The following PATJ variants were observed in gnomAD, a reference collection of about 807,000 sequenced individuals.
PATJ encodes the protein PATJ crumbs cell polarity complex component, also known as inaD-like protein.
In PATJ, 190 loss-of-function variants were observed where a neutral mutation model predicts 224.9. The ratio of observed to expected loss-of-function variants is 0.84; its 90% CI spans 0.75 to 0.95. The LOEUF (loss-of-function observed/expected upper bound fraction) is 0.95. Among genes scored for constraint, PATJ ranks in the 40% least tolerant of loss-of-function variants. The pLI, the probability that PATJ is intolerant of heterozygous loss-of-function variation, is 0.00. For synonymous variants in PATJ, 769 were observed against 820.3 expected (o/e 0.94, Z 1.07); for missense variants, 2,121 against 2,270.3 (o/e 0.93, Z 1.34).
At chr1:62,001,879 C>G (rs1379363808) in intron 28 of PATJ, among the ~76,000 whole-genome samples, 2 of 152,114 alleles carry the variant, frequency 1.3e-5, no homozygotes, top group Admixed American at 6.5e-5. Flanking sequence ...GTTTGTAGTT[C>G]TCCTTGATGA....
chr1:62,155,632 ATTC>A (rs1669105388), intron 43 of PATJ, among the ~76,000 whole-genome samples: 1 of 151,004 alleles, frequency 6.6e-6, no homozygotes, highest in African/African-American at 2.4e-5. Context: ...GATATTGAAT[ATTC>A]TTCATGTATT....
intron 14 of PATJ, among the ~76,000 whole-genome samples, chr1:61,822,183 G>A (rs371706946): frequency 1.4e-4 from 22 of 152,154 alleles, no homozygotes; most frequent in African/African-American, 4.6e-4. Flanking sequence ...TACAGACTCT[G>A]CATTCAGGTA....
intron 4 of PATJ, among the ~76,000 whole-genome samples, chr1:61,766,772 A>G (rs548522131): frequency 6.6e-6 from 1 of 152,124 alleles, no homozygotes; most frequent in African/African-American, 2.4e-5. Context: ...GACAATGACT[A>G]ATTGAACACA....
At chr1:62,133,694 C>T (rs1207230470) in intron 41 of PATJ, among the ~76,000 whole-genome samples, 1 of 151,820 alleles carries the variant, frequency 6.6e-6, no homozygotes, top group Non-Finnish European at 1.5e-5. Context: ...ACCTGGAGGG[C>T]TCCCCCAGCC....
chr1:61,910,966 T>C (rs574126975), intron 25 of PATJ, among the ~76,000 whole-genome samples: 121 of 152,320 alleles, frequency 7.9e-4, no homozygotes, highest in Non-Finnish European at 1.4e-3. Context: ...TATCCAGAAA[T>C]AGAAAATATA....
chr1:61,980,946 T>C (rs1644420011), intron 27 of PATJ, among the ~76,000 whole-genome samples: 1 of 152,130 alleles, frequency 6.6e-6, no homozygotes, highest in Admixed American at 6.5e-5. Flanking sequence ...CTTGAAATTC[T>C]AGGTTCAGCT....
chr1:61,934,005 G>A (rs543806108), intron 27 of PATJ, among the ~76,000 whole-genome samples: 85 of 151,856 alleles, frequency 5.6e-4, no homozygotes, highest in African/African-American at 2.0e-3. Flanking sequence ...GTGCAATCTC[G>A]GCTCACTGCA....
chr1:61,772,616 A>C (rs2148375380), intron 6 of PATJ, among the ~76,000 whole-genome samples: 1 of 152,360 alleles, frequency 6.6e-6, no homozygotes, highest in Non-Finnish European at 1.5e-5. Context: ...CACAACAAAA[A>C]TTAATGTATA....
chr1:62,066,057 T>G (rs1178835015), intron 31 of PATJ, among the ~76,000 whole-genome samples: 4 of 152,164 alleles, frequency 2.6e-5, no homozygotes, highest in Non-Finnish European at 5.9e-5. Context: ...CTAAGCAAGT[T>G]TGTATTGAGG....
intron 6 of PATJ, among the ~76,000 whole-genome samples, chr1:61,773,615 T>C (rs868005995): frequency 2.8e-4 from 43 of 151,478 alleles, no homozygotes; most frequent in Non-Finnish European, 5.6e-4. Context: ...GGTGAAACCC[T>C]GTCTCTACTA....
At chr1:61,969,549 G>A (rs1383434746) in intron 27 of PATJ, among the ~76,000 whole-genome samples, 2 of 151,986 alleles carry the variant, frequency 1.3e-5, no homozygotes, top group African/African-American at 2.4e-5. Context: ...TCCTTTGCCC[G>A]TTTTTAAATC....
intron 26 of PATJ, among the ~76,000 whole-genome samples, chr1:61,916,558 G>A (rs1227352350): frequency 1.3e-5 from 2 of 152,128 alleles, no homozygotes; most frequent in Non-Finnish European, 2.9e-5. Context: ...TTAAGGAAAA[G>A]CTTTTAATAT....
In PATJ at chr1:61,927,772, T is replaced by C. The variant is rs1312798163; in HGVS notation, c.3613T>C (p.Tyr1205His). Residue 1205 changes from tyrosine to histidine, a missense_variant, in exon 27 of 44, where the codon TAT becomes CAT. Tyr to His is a moderately conservative substitution (Grantham distance 83, BLOSUM62 2). Coordinates refer to ENST00000642238, the MANE Select transcript of PATJ (RefSeq NM_001350145.3). The part of the protein sequence containing the change: ...APPPMKLPPP[Y>H]KALTDDSDEN... ...ACCGCCAATGAAACTTCCTCCTCCT[T>C]ATAAAGCTCTGACTGATGACAGTGA... 2 of 1,613,506 alleles carry C rather than the reference T, an allele frequency of 1.2e-6. No individual in the cohort carries two copies. Among genetic ancestry groups the C allele is most frequent in the African/African-American group, 1.3e-5 (1 of 74,876 alleles).
intron 6 of PATJ, among the ~76,000 whole-genome samples, chr1:61,772,494 A>G (rs1047452660): frequency 3.0e-4 from 45 of 152,178 alleles, no homozygotes; most frequent in Non-Finnish European, 8.8e-5. Context: ...CATCGTCAGA[A>G]TGCAAGCTAA....
intron 27 of PATJ, among the ~76,000 whole-genome samples, chr1:61,979,935 G>A (rs1409340024): frequency 6.6e-6 from 1 of 152,018 alleles, no homozygotes; most frequent in African/African-American, 2.4e-5. Context: ...TCTGGGTATA[G>A]GCAGGGCACC....
intron 31 of PATJ, among the ~76,000 whole-genome samples, chr1:62,055,287 T>G (rs958774640): frequency 5.3e-5 from 8 of 152,174 alleles, no homozygotes; most frequent in African/African-American, 1.9e-4. Context: ...ACATCGGAGC[T>G]CAAGATCCCT....
intron 14 of PATJ, among the ~76,000 whole-genome samples, chr1:61,821,490 G>T (rs930634123): frequency 6.6e-6 from 1 of 152,150 alleles, no homozygotes; most frequent in Non-Finnish European, 1.5e-5. Context: ...GCGTGTTGAG[G>T]TCTTAGTCAG....
chr1:61,977,574 C>T (rs2498973), intron 27 of PATJ, among the ~76,000 whole-genome samples: 5 of 151,738 alleles, frequency 3.3e-5, no homozygotes, highest in Admixed American at 6.5e-5. Context: ...GTTTTGTAGA[C>T]GCGTCCTAGA....
At chr1:61,969,469 G>A (rs2498968) in intron 27 of PATJ, among the ~76,000 whole-genome samples, 130,891 of 152,182 alleles carry the variant, frequency 0.86, 56,331 homozygotes, top group Admixed American at 0.89. Context: ...CATTTTTCTC[G>A]TTGATGAAGC....
Sources: gnomAD v4.1 joint callset for allele counts (sites outside exome capture counted in the v4.1 genomes callset) on GRCh38, gnomAD v4.1.1 for gene constraint, MANE v1.5 for transcripts, NCBI Gene and HGNC (gene_info 2026-07-23, HGNC 2026-07-21) for gene names.